Variants in LMX1B observed in about 807,000 individuals in gnomAD.
LMX1B encodes the protein LIM homeobox transcription factor 1 beta, also known as LIM homeobox transcription factor 1-beta.
Under a neutral mutation model 51.4 loss-of-function variants are expected in LMX1B, and 12 were observed. The observed-to-expected ratio is 0.23, with a 90% CI of 0.15 to 0.38. The LOEUF (loss-of-function observed/expected upper bound fraction) is 0.38, where lower values mean the gene tolerates loss of function less well. Among genes scored for constraint, LMX1B ranks in the 10% least tolerant of loss-of-function variants. LMX1B has a pLI of 1.00. For synonymous variants in LMX1B, 237 were observed against 235.4 expected (o/e 1.01, Z -0.06); for missense variants, 445 against 571.1 (o/e 0.78, Z 2.25).
chr9:126,633,549 C>T (rs1835666523), intron 2 of LMX1B, among the ~76,000 whole-genome samples: 2 of 152,192 alleles, frequency 1.3e-5, no homozygotes, highest in Admixed American at 1.3e-4. Context: ...GGGCAGGGTT[C>T]TTCTTCTTCC....
intron 1 of LMX1B, 136 bp downstream of exon 1, chr9:126,614,724 C>T: frequency 2.0e-6 from 2 of 1,000,542 alleles, no homozygotes; most frequent in Non-Finnish European, 2.7e-6. Context: ...AGACAGGACT[C>T]CTGGAGTGAT....
At position 126,697,341 on chromosome 9, in the gene LMX1B, C is replaced by T. The variant is rs1564171658; in HGVS notation, c.*890C>T. On this transcript the variant is annotated 3_prime_UTR_variant, in exon 8 of 8. Transcript: ENST00000373474. ...ACCAACTCTAGAGGCAGATGGAGCC[C>T]CCAGAACCAGGTAGCATCAGACCAG... 6.6e-6 allele frequency: 1 copy of T among 152,506 alleles called. No individual in the cohort carries two copies. Among genetic ancestry groups the T allele is most frequent in the Non-Finnish European group, 1.5e-5 (1 of 68,348 alleles). The allele number at this position is 152,506 out of a possible 1,614,324, so 9.4% of individuals were successfully genotyped here. A position where few individuals can be genotyped will look rare whatever the true frequency, so the allele number is the denominator to read the frequency against.
Position 126,673,674 on chromosome 9 carries a change from G to A in LMX1B, c.327-17162G>A, listed in dbSNP as rs1157538677. Among the ~76,000 whole-genome samples, 1 of 152,126 alleles carries A rather than the reference G, an allele frequency of 6.6e-6. No individual in the cohort carries two copies. The highest frequency in any genetic ancestry group is 6.5e-5 in the Admixed American group (1 of 15,288). On this transcript the variant is annotated intron_variant, in intron 2 of 7. Coordinates refer to ENST00000373474, the MANE Select transcript of LMX1B (RefSeq NM_001174147.2). The surrounding 1 kb of genome is among the most constrained non-coding windows in gnomAD (Gnocchi z 4.4). ...AGGGGGCATCGGGGGCATGGCTAGG[G>A]GCCAGCACTGTGCTTCCTGGGCGCC...
chr9:126,689,784 G>T (rs1439231985), intron 2 of LMX1B, among the ~76,000 whole-genome samples: 1 of 152,222 alleles, frequency 6.6e-6, no homozygotes, highest in Non-Finnish European at 1.5e-5. Flanking sequence ...CAGCCTGGGA[G>T]TTGCCTCCAG....
chr9:126,696,461 A>G lies in LMX1B; in HGVS notation c.*10A>G, dbSNP rs773277145. ...CTACTTCGCCTCCTGAGAGCCAGCC[A>G]GGCGCACGGACGCTTGGGCAGGGGC... On this transcript the variant is annotated 3_prime_UTR_variant, in exon 8 of 8. Transcript: ENST00000373474. The G allele has an allele frequency of 6.2e-7, 1 of 1,613,682 alleles. No homozygotes were observed.
chr9:126,646,364 C>T (rs1835901219), intron 2 of LMX1B, among the ~76,000 whole-genome samples: 2 of 151,930 alleles, frequency 1.3e-5, no homozygotes. Flanking sequence ...ACCCATCCAC[C>T]CATCTATCCG....
chr9:126,693,246 C>A lies in LMX1B; in HGVS notation c.664C>A (p.Pro222Thr). 1 of 1,611,638 alleles carries A rather than the reference C, an allele frequency of 6.2e-7. No individual in the cohort carries two copies. Among genetic ancestry groups the A allele is most frequent in the Non-Finnish European group, 8.5e-7 (1 of 1,179,240 alleles). Residue 222 changes from proline to threonine, a missense_variant, in exon 4 of 8, where the codon CCC becomes ACC. Pro to Thr is a conservative substitution (Grantham distance 38). Around this residue, in one of 3 missense-constraint regions of LMX1B, gnomAD observed 273 missense variants for 343.3 expected, o/e 0.80. Coordinates refer to ENST00000373474, the MANE Select transcript of LMX1B (RefSeq NM_001174147.2). ...DGKDPRRPKR[P>T]RTILTTQQRR... The stretch of plus-strand genomic sequence containing the variant: ...GAAGGACCCGCGGAGGCCCAAGCGA[C>A]CCCGGACCATCCTCACCACGCAGCA...
At chr9:126,653,035 G>A (rs188393423) in intron 2 of LMX1B, among the ~76,000 whole-genome samples, 6 of 152,154 alleles carry the variant, frequency 3.9e-5, no homozygotes, top group Admixed American at 6.5e-5. Context: ...GGAACAGAGC[G>A]GTGCCTGGGT....
At chr9:126,682,125 G>A (rs543817087) in intron 2 of LMX1B, among the ~76,000 whole-genome samples, 3 of 128,370 alleles carry the variant, frequency 2.3e-5, no homozygotes, top group South Asian at 2.6e-4. Context: ...ATGGGCTTTG[G>A]CCATTTTGCC....
In LMX1B at chr9:126,695,550, G is replaced by A. The variant is rs1052199262; in HGVS notation, c.887-289G>A. 6.6e-6 allele frequency among the ~76,000 whole-genome samples: 1 copy of A among 152,234 alleles called. No homozygotes were observed. The highest frequency in any genetic ancestry group is 1.5e-5 in the Non-Finnish European group (1 of 68,042). On this transcript the variant is annotated intron_variant, in intron 6 of 7. Transcript: ENST00000373474. The surrounding 1 kb of genome is among the most constrained non-coding windows in gnomAD (Gnocchi z 5.2). ...CCTTGGTGCTCCCAGATGCAGCGCA[G>A]AATCACTATTGCCTGTGTGGGGTCT...
chr9:126,684,657 C>G (rs1819400092), intron 2 of LMX1B, among the ~76,000 whole-genome samples: 2 of 152,158 alleles, frequency 1.3e-5, no homozygotes, highest in Non-Finnish European at 2.9e-5. Flanking sequence ...GGACACAGGA[C>G]AGAGGGTCTG....
intron 2 of LMX1B, among the ~76,000 whole-genome samples, chr9:126,684,119 C>T (rs1836728207): frequency 6.6e-6 from 1 of 152,132 alleles, no homozygotes; most frequent in Non-Finnish European, 1.5e-5. Context: ...GGCTGCAGTG[C>T]AAGGGCCAAA....
chr9:126,637,578 A>G (rs986096269), intron 2 of LMX1B, among the ~76,000 whole-genome samples: 8 of 151,878 alleles, frequency 5.3e-5, no homozygotes, highest in African/African-American at 1.9e-4. Context: ...ATTGTGGGCT[A>G]ATGTGTCAGG....
intron 2 of LMX1B, among the ~76,000 whole-genome samples, chr9:126,650,135 CTGTT>C (rs1419288205): frequency 6.6e-6 from 1 of 152,194 alleles, no homozygotes; most frequent in Admixed American, 6.5e-5. Flanking sequence ...CCTTTTGTCT[CTGTT>C]TGTCCCACAT....
In LMX1B at chr9:126,671,656, G is replaced by A. The variant is rs1031035592; in HGVS notation, c.327-19180G>A. The stretch of plus-strand genomic sequence containing the variant: ...TCTTTTGAAAGATAGGCGCACCCCG[G>A]GATGAGAGGTCAGCGGGCCTGCCCT... On this transcript the variant is annotated intron_variant, in intron 2 of 7. Coordinates refer to ENST00000373474, the MANE Select transcript of LMX1B (RefSeq NM_001174147.2). This position sits in a 1 kb window ranked among gnomAD's most constrained non-coding sequence, Gnocchi z 4.4. 1.3e-5 allele frequency among the ~76,000 whole-genome samples: 2 copies of A among 152,192 alleles called. No homozygotes were observed. Among genetic ancestry groups the A allele is most frequent in the Admixed American group, 6.5e-5 (1 of 15,286 alleles).
intron 3 of LMX1B, 124 bp from the exon 4 acceptor site, chr9:126,693,018 G>A: frequency 2.0e-6 from 2 of 1,021,120 alleles, no homozygotes; most frequent in East Asian, 2.6e-5. Context: ...GGCCACTGGG[G>A]AGCCACGGCA....
At chr9:126,665,768 A>T (rs944257441) in intron 2 of LMX1B, among the ~76,000 whole-genome samples, 1 of 152,354 alleles carries the variant, frequency 6.6e-6, no homozygotes, top group Non-Finnish European at 1.5e-5. Context: ...CCCCCCGGGT[A>T]GCCCGCTACC....
rs374683315 is a variant in LMX1B at position 126,693,504 on chromosome 9, T to C, written c.742-20T>C. On this transcript the variant is annotated intron_variant, in intron 4 of 7. Coordinates refer to ENST00000373474, the MANE Select transcript of LMX1B (RefSeq NM_001174147.2). ...TGCTGCCCCTGGAGGGCCTGACCTG[T>C]TCCCCTCTCTCTGAGCCAGGTCCGA... 1.2e-6 allele frequency: 2 copies of C among 1,612,906 alleles called. No individual in the cohort carries two copies. Among genetic ancestry groups the C allele is most frequent in the African/African-American group, 2.7e-5 (2 of 74,880 alleles).
At chr9:126,643,478 C>G (rs1247829600) in intron 2 of LMX1B, among the ~76,000 whole-genome samples, 4 of 152,204 alleles carry the variant, frequency 2.6e-5, no homozygotes, top group Non-Finnish European at 4.4e-5. Context: ...TGCCTCCTCT[C>G]TAACTGGGGA....
Sources: gnomAD v4.1 joint callset for allele counts (sites outside exome capture counted in the v4.1 genomes callset) on GRCh38, gnomAD v4.1.1 for gene constraint, gnomAD v4.1.1 regional missense constraint, Gnocchi (gnomAD v3.1) non-coding constraint, MANE v1.5 for transcripts, NCBI Gene and HGNC (gene_info 2026-07-23, HGNC 2026-07-21) for gene names.